Variants in SERPINA1 observed in about 807,000 individuals in gnomAD.
The protein encoded by SERPINA1 is alpha-1-antitrypsin.
SERPINA1 carries 21 observed loss-of-function variants against 25.4 expected under a neutral mutation model. That is an observed-to-expected ratio of 0.83 (90% CI 0.59 to 1.19). The LOEUF is 1.19. SERPINA1 is among the 50% of genes most tolerant of loss of function. The pLI, the probability that SERPINA1 is intolerant of heterozygous loss-of-function variation, is 0.00. For missense variants in SERPINA1, 546 were observed against 509.0 expected (o/e 1.07, Z -0.70); for synonymous variants, 218 against 211.1 (o/e 1.03, Z -0.29).
At chr14:94,381,883 C>T (rs1186802454) in intron 2 of SERPINA1, among the ~76,000 whole-genome samples, 1 of 152,186 alleles carries the variant, frequency 6.6e-6, no homozygotes, top group Non-Finnish European at 1.5e-5. Context: ...CAGCCCCTGG[C>T]CTTGCCTCCC....
rs370651662 is a variant in SERPINA1, at chr14:94,383,248, G to A, written c.-4-7C>T. On this transcript the variant is annotated splice_region_variant and splice_polypyrimidine_tract_variant and intron_variant, in intron 1 of 4. Transcript: ENST00000393087. ...GACAGAAGACGGCATTGTCCTGCAA[G>A]ACAGAGATGGGGGGGCCAGGCCCCG... The A allele has an allele frequency of 1.7e-5, 27 of 1,608,218 alleles. No homozygotes were observed. In the African/African-American group the frequency reaches 3.6e-4, roughly 21 times the overall value.
chr14:94,389,404 C>G (rs190239460), upstream of SERPINA1, among the ~76,000 whole-genome samples: 1 of 152,158 alleles, frequency 6.6e-6, no homozygotes, highest in Non-Finnish European at 1.5e-5. Context: ...GCTTAGTCTG[C>G]CCCCCAGGCT....
At chr14:94,388,261 T>C (rs1186436913) in intron 1 of SERPINA1, among the ~76,000 whole-genome samples, 1 of 152,130 alleles carries the variant, frequency 6.6e-6, no homozygotes, top group Admixed American at 6.5e-5. Context: ...GTGTCCCCCA[T>C]CCTGGGGTGC....
In SERPINA1 at chr14:94,383,261, G is replaced by C; in HGVS notation, c.-4-20C>G. The C allele has an allele frequency of 6.2e-7, 1 of 1,604,754 alleles. No homozygotes were observed. Among genetic ancestry groups the C allele is most frequent in the Non-Finnish European group, 8.5e-7 (1 of 1,177,498 alleles). On this transcript the variant is annotated intron_variant, in intron 1 of 4. Transcript: ENST00000393087. The stretch of plus-strand genomic sequence containing the variant: ...ATTGTCCTGCAAGACAGAGATGGGG[G>C]GGCCAGGCCCCGAGTCAAGGCACAT...
chr14:94,383,535 C>A, intron 1 of SERPINA1: 1 of 499,366 alleles, frequency 2.0e-6, no homozygotes, highest in South Asian at 2.7e-5. Context: ...GAAACCAAAG[C>A]CAGAGAGATT....
chr14:94,382,335 G>A (rs1242854394), intron 2 of SERPINA1, among the ~76,000 whole-genome samples: 1 of 152,106 alleles, frequency 6.6e-6, no homozygotes, highest in East Asian at 1.9e-4. Context: ...TACATATACA[G>A]TATACACAAG....
In SERPINA1 at chr14:94,378,587, C is replaced by T. The variant is rs376061125; in HGVS notation, c.1119G>A (p.Gly373=). 6.8e-6 allele frequency: 11 copies of T among 1,614,010 alleles called. No homozygotes were observed. Among genetic ancestry groups the T allele is most frequent in the Non-Finnish European group, 9.3e-6 (11 of 1,179,982 alleles). ...TGGGTATGGCCTCTAAAAACATGGC[C>T]CCAGCAGCTTCAGTCCCTTTCTCGT... is the stretch of plus-strand genomic sequence containing the variant. The part of the protein sequence containing the change: ...TIDEKGTEAA[G]AMFLEAIPMS... The change falls in exon 5 of 5, where the codon GGG becomes GGA. Residue 373 remains glycine (G), a synonymous_variant. Coordinates refer to ENST00000393087, the MANE Select transcript of SERPINA1 (RefSeq NM_000295.5).
At chr14:94,386,504 G>A (rs1472682877) in intron 1 of SERPINA1, among the ~76,000 whole-genome samples, 3 of 152,202 alleles carry the variant, frequency 2.0e-5, no homozygotes, top group Non-Finnish European at 2.9e-5. Flanking sequence ...TGGGGTAAAT[G>A]ACTTCACTTC....
At chr14:94,383,364 G>T in intron 1 of SERPINA1, 123 bp from the exon 2 acceptor site, 2 of 970,824 alleles carry the variant, frequency 2.1e-6, no homozygotes, top group Non-Finnish European at 3.1e-6. Flanking sequence ...CCAAGTACTT[G>T]CCGACATCAG....
chr14:94,383,532 A>C (rs1897109487), intron 1 of SERPINA1: 3 of 499,814 alleles, frequency 6.0e-6, no homozygotes, highest in East Asian at 3.3e-5. Flanking sequence ...GAAGAAACCA[A>C]AGCCAGAGAG....
upstream of SERPINA1, chr14:94,389,020 C>G (rs1027873689): frequency 1.3e-5 from 2 of 152,286 alleles, no homozygotes; most frequent in Non-Finnish European, 1.5e-5. Flanking sequence ...CCTGGGAGAT[C>G]AGAGTGGGTT....
At chr14:94,381,216 T>G in intron 2 of SERPINA1, 75 bp from the exon 3 acceptor site, 2 of 1,470,286 alleles carry the variant, frequency 1.4e-6, no homozygotes, top group Admixed American at 3.6e-5. Context: ...AAAGAAACCA[T>G]GAGTCCCCTC....
At chr14:94,382,443 G>T (rs1896995007) in intron 2 of SERPINA1, 149 bp downstream of exon 2, 4 of 846,288 alleles carry the variant, frequency 4.7e-6, no homozygotes, top group Non-Finnish European at 7.6e-6. Context: ...AAACATTTTA[G>T]TGTTTGTGTG....
chr14:94,378,971 G>C (rs1233935942), intron 4 of SERPINA1: 1 of 551,622 alleles, frequency 1.8e-6, no homozygotes, highest in Non-Finnish European at 3.2e-6. Context: ...CACGGACCCT[G>C]GCAGTGACCT....
Position 94,379,536 on chromosome 14 carries a change from GCCCAGTTGA to G in SERPINA1, c.984_992del (p.Gln329_Gly331del), listed in dbSNP as rs1566750632. On this transcript the variant is annotated inframe_deletion, in exon 4 of 5. Coordinates refer to ENST00000393087, the MANE Select transcript of SERPINA1 (RefSeq NM_000295.5). Reference sequence around the variant, plus strand: ...CCCCATTGCTGAAGACCTTAGTGATGCCCAGTTGACCCAGGACGCTCTTCAGATCATAGG... The same window carrying G: ...CCCCATTGCTGAAGACCTTAGTGATGCCCAGGACGCTCTTCAGATCATAGG... 1 of 1,614,068 alleles carries G rather than the reference GCCCAGTTGA, an allele frequency of 6.2e-7. No homozygotes were observed. Among genetic ancestry groups the G allele is most frequent in the South Asian group, 1.1e-5 (1 of 91,072 alleles).
chr14:94,390,245 C>T (rs768963921), upstream of SERPINA1, among the ~76,000 whole-genome samples: 17 of 152,192 alleles, frequency 1.1e-4, no homozygotes, highest in Non-Finnish European at 2.5e-4. Context: ...CCTGTCCTTC[C>T]CCTGAGCTGG....
At position 94,383,119 on chromosome 14, in the gene SERPINA1, T is replaced by C. The variant is rs186478039; in HGVS notation, c.119A>G (p.His40Arg). 19 of 1,614,208 alleles carry C rather than the reference T, an allele frequency of 1.2e-5. No homozygotes were observed. The Admixed American group carries it at 2.5e-4, about 21-fold the overall frequency. The change falls in exon 2 of 5, where the codon CAT becomes CGT. Residue 40 changes from histidine (H) to arginine (R), a missense_variant. Physicochemically the swap from His to Arg is conservative, Grantham distance 29. Transcript: ENST00000393087. ...DAAQKTDTSH[H>R]DQDHPTFNKI... is the part of the protein sequence containing the mutation. The stretch of plus-strand genomic sequence containing the variant: ...GTTGAAGGTTGGGTGATCCTGATCA[T>C]GGTGGGATGTATCTGTCTTCTGGGC...
At position 94,378,506 on chromosome 14, in the gene SERPINA1, T is replaced by TG. The variant is rs1566747567; in HGVS notation, c.1199_1200insC (p.Glu400AspfsTer44). The stretch of plus-strand genomic sequence containing the variant: ...TGAAGAGGGGAGACTTGGTATTTTG[T>TG]TCAATCATTAAGAAGACAAAGGGTT... On this transcript the variant is annotated frameshift_variant, in exon 5 of 5. Coordinates refer to ENST00000393087, the MANE Select transcript of SERPINA1 (RefSeq NM_000295.5). LOFTEE classifies it low-confidence loss of function (END_TRUNC). 3 of 1,613,706 alleles carry TG rather than the reference T, an allele frequency of 1.9e-6. No individual in the cohort carries two copies. In the African/African-American group the frequency reaches 4.0e-5, roughly 22 times the overall value.
At chr14:94,379,142 A>G (rs1229535333) in intron 4 of SERPINA1, 4 of 580,510 alleles carry the variant, frequency 6.9e-6, no homozygotes, top group Non-Finnish European at 9.2e-6. Context: ...TTCCTTTGAA[A>G]CAACTTAGCC....
Sources: allele counts gnomAD v4.1 joint callset (sites outside exome capture counted in the v4.1 genomes callset), GRCh38; gene constraint gnomAD v4.1.1; transcripts MANE v1.5; gene names NCBI Gene and HGNC (gene_info 2026-07-23, HGNC 2026-07-21).